Variants in B4GALNT2 observed in about 807,000 individuals in gnomAD.
B4GALNT2 encodes beta-1,4-N-acetyl-galactosaminyltransferase 2 (SID blood group).
In B4GALNT2, 42 loss-of-function variants were observed where a neutral mutation model predicts 51.1. The observed-to-expected ratio is 0.82, with a 90% CI of 0.64 to 1.06. B4GALNT2 has a LOEUF of 1.06. B4GALNT2 is among the 50% of genes least tolerant of loss of function. B4GALNT2 has a pLI of 0.00. For synonymous variants in B4GALNT2, 253 were observed against 251.7 expected, an observed-to-expected ratio of 1.01 and a Z score of -0.05; for missense variants, 602 against 633.6, an observed-to-expected ratio of 0.95 and a Z score of 0.54.
chr17:49,132,085 G>A (rs2042543474), upstream of B4GALNT2, among the ~76,000 whole-genome samples: 1 of 152,114 alleles, frequency 6.6e-6, no homozygotes, highest in Non-Finnish European at 1.5e-5. Context: ...GAGGCTATGA[G>A]CTATGATTAC....
At chr17:49,146,159 C>T (rs545260665) in intron 3 of B4GALNT2, among the ~76,000 whole-genome samples, 2 of 152,198 alleles carry the variant, frequency 1.3e-5, no homozygotes, top group South Asian at 4.1e-4. Context: ...AGAACTTTGC[C>T]TCAGCCCTGC....
Position 49,171,323 on chromosome 17 carries a change from C to T in B4GALNT2, c.*1595C>T, listed in dbSNP as rs1490306731. ...CAGAGCTTCCAAGTGTCTTTATCCA[C>T]TTTAATGGGTTAATATCTGCTAATC... On this transcript the variant is annotated 3_prime_UTR_variant, in exon 11 of 11. Transcript: ENST00000393354. The T allele has an allele frequency of 2.6e-6, 1 of 390,088 alleles. No individual in the cohort carries two copies. The highest frequency in any genetic ancestry group is 4.8e-6 in the Non-Finnish European group (1 of 206,732). 24.2% of individuals were successfully genotyped at this position (390,088 alleles called of 1,614,324 possible).
At chr17:49,120,741 T>C in the B4GALNT2 span, among the ~76,000 whole-genome samples, 77,548 of 151,270 alleles carry the variant, frequency 0.51, 20,204 homozygotes, top group Middle Eastern at 0.63. Flanking sequence ...AATTCCTGGG[T>C]TCAAGTGATC....
intron 5 of B4GALNT2, 21 bp from the exon 6 acceptor site, chr17:49,159,016 A>G (rs201083609): frequency 1.9e-6 from 3 of 1,611,934 alleles, no homozygotes; most frequent in Non-Finnish European, 1.7e-6. Flanking sequence ...ATTGAGCATC[A>G]TTCTACCTCA....
chr17:49,137,116 T>TA (rs1331904157), intron 1 of B4GALNT2, among the ~76,000 whole-genome samples: 11 of 152,118 alleles, frequency 7.2e-5, no homozygotes, highest in African/African-American at 2.7e-4. Context: ...AATTCACACT[T>TA]AAACAAAATA....
intron 4 of B4GALNT2, 23 bp from the exon 5 acceptor site, chr17:49,156,543 T>C: frequency 1.2e-6 from 2 of 1,613,588 alleles, no homozygotes; most frequent in Non-Finnish European, 1.7e-6. Flanking sequence ...GCAGTTTTCT[T>C]TCCTTTTCCC....
At chr17:49,131,086 T>C (rs528245315), upstream of B4GALNT2, among the ~76,000 whole-genome samples, 1 of 152,154 alleles carries the variant, frequency 6.6e-6, no homozygotes, top group African/African-American at 2.4e-5. Context: ...TCATGAAAGA[T>C]CTCATAGGCT....
intron 4 of B4GALNT2, 58 bp from the exon 5 acceptor site, chr17:49,156,508 C>G: frequency 3.2e-6 from 5 of 1,585,400 alleles, no homozygotes; most frequent in Non-Finnish European, 4.3e-6. Flanking sequence ...GCGAGAGCAG[C>G]GGGGAGCTGC....
chr17:49,135,890 C>T (rs539637501), intron 1 of B4GALNT2, among the ~76,000 whole-genome samples: 12 of 151,566 alleles, frequency 7.9e-5, no homozygotes, highest in Admixed American at 7.9e-4. Flanking sequence ...GGCGAAACTC[C>T]GTCTCTACTA....
At chr17:49,150,185 CCGGGAGGGAGG>C (rs2042736214) in intron 3 of B4GALNT2, among the ~76,000 whole-genome samples, 3 of 135,516 alleles carry the variant, frequency 2.2e-5, no homozygotes, top group African/African-American at 8.5e-5. Context: ...GCCGCCCCGT[CCGGGAGGGAGG>C]TGGGGGGGTC....
At chr17:49,120,476 GTGTGTGTC>G in the B4GALNT2 span, among the ~76,000 whole-genome samples, 3 of 82,968 alleles carry the variant, frequency 3.6e-5, no homozygotes, top group Non-Finnish European at 5.1e-5. Context: ...GTGTGTGTGT[GTGTGTGTC>G]TGTGTGTGTG....
upstream of B4GALNT2, among the ~76,000 whole-genome samples, chr17:49,131,380 C>G (rs1271256952): frequency 6.9e-6 from 1 of 145,298 alleles, no homozygotes; most frequent in Non-Finnish European, 1.5e-5. Context: ...CAGACCTGAA[C>G]TTGGGACTCA....
At chr17:49,150,070 G>T (rs948207855) in intron 3 of B4GALNT2, among the ~76,000 whole-genome samples, 2 of 105,468 alleles carry the variant, frequency 1.9e-5, no homozygotes, top group Admixed American at 9.3e-5. Context: ...TTTGGAGGTC[G>T]GGGGGGGTCA....
intron 1 of B4GALNT2, among the ~76,000 whole-genome samples, chr17:49,137,471 A>T (rs543939329): frequency 6.6e-6 from 1 of 152,312 alleles, no homozygotes; most frequent in South Asian, 2.1e-4. Flanking sequence ...TGATGCAGCA[A>T]GAAGGTCCCC....
chr17:49,129,355 G>T (rs773769356), upstream of B4GALNT2, among the ~76,000 whole-genome samples: 4 of 152,186 alleles, frequency 2.6e-5, no homozygotes, highest in Non-Finnish European at 5.9e-5. Context: ...GCCCTTTCAG[G>T]TTAGTTGTCC....
At chr17:49,123,660 C>T in the B4GALNT2 span, among the ~76,000 whole-genome samples, 1 of 152,136 alleles carries the variant, frequency 6.6e-6, no homozygotes, top group African/African-American at 2.4e-5. Flanking sequence ...TCAGATAAGA[C>T]TTTTTAAAGC....
chr17:49,125,912 C>T, the B4GALNT2 span, among the ~76,000 whole-genome samples: 3 of 149,144 alleles, frequency 2.0e-5, no homozygotes, highest in Non-Finnish European at 4.5e-5. Flanking sequence ...GCCGCACCGT[C>T]TGGGAGGTGA....
chr17:49,166,712 G>A (rs1191207629), intron 9 of B4GALNT2, among the ~76,000 whole-genome samples: 8 of 152,100 alleles, frequency 5.3e-5, no homozygotes, highest in Non-Finnish European at 1.0e-4. Flanking sequence ...TACACCTGTA[G>A]TCCCAGCACT....
At position 49,176,096 on chromosome 17, in the gene B4GALNT2, G is replaced by A. The variant is rs2042985786; in HGVS notation, c.*6368G>A. 6.6e-6 allele frequency: 1 copy of A among 152,124 alleles called. No homozygotes were observed. The highest frequency in any genetic ancestry group is 2.4e-5 in the African/African-American group (1 of 41,400). The allele number at this position is 152,124 out of a possible 1,614,324, so 9.4% of individuals were successfully genotyped here. A position where few individuals can be genotyped will look rare whatever the true frequency, so the allele number is the denominator to read the frequency against. Reference sequence around the variant, plus strand: ...GAGCTCCCCTTCTTACTCACCATGGGGATTGCTTAAGGGTACTCGGGTGTC... The same window carrying A: ...GAGCTCCCCTTCTTACTCACCATGGAGATTGCTTAAGGGTACTCGGGTGTC... On this transcript the variant is annotated 3_prime_UTR_variant, in exon 11 of 11. Coordinates refer to ENST00000393354, the MANE Select transcript of B4GALNT2 (RefSeq NM_001159387.2).
Sources: allele counts gnomAD v4.1 joint callset (sites outside exome capture counted in the v4.1 genomes callset), GRCh38; gene constraint gnomAD v4.1.1; transcripts MANE v1.5; gene names NCBI Gene and HGNC (gene_info 2026-07-23, HGNC 2026-07-21).